HDAC9: variants seen among roughly 807,000 people sequenced by gnomAD.
HDAC9 encodes histone deacetylase 9, also known as MEF-2 interacting transcription repressor (MITR) protein.
In HDAC9, 41 loss-of-function variants were observed where a neutral mutation model predicts 139.4. The ratio of observed to expected loss-of-function variants is 0.29; its 90% CI spans 0.23 to 0.38. HDAC9 has a LOEUF of 0.38. Ranked by LOEUF, HDAC9 falls within the 10% of genes least tolerant of loss-of-function variation. The probability of loss-of-function intolerance (pLI) is 1.00; values close to 1 mark genes in which losing one functional copy is unlikely to be tolerated. For synonymous variants in HDAC9, 517 were observed against 476.2 expected (o/e 1.09, Z -1.12); for missense variants, 1,147 against 1,297.0 (o/e 0.88, Z 1.78).
intron 2 of HDAC9, among the ~76,000 whole-genome samples, chr7:18,213,460 T>C (rs1239840081): frequency 6.6e-6 from 1 of 152,190 alleles, no homozygotes; most frequent in African/African-American, 2.4e-5. Context: ...TATTGCTTGC[T>C]TACAGATGCT....
chr7:18,721,566 T>C (rs1293286331), intron 12 of HDAC9, among the ~76,000 whole-genome samples: 1 of 152,204 alleles, frequency 6.6e-6, no homozygotes, highest in East Asian at 1.9e-4. Flanking sequence ...GTATGCATTA[T>C]GATTTATGAT....
chr7:18,533,541 T>C (rs1160816985), intron 2 of HDAC9, among the ~76,000 whole-genome samples: 1 of 152,172 alleles, frequency 6.6e-6, no homozygotes, highest in Non-Finnish European at 1.5e-5. Context: ...CTAGTCCCAA[T>C]TTGACTCTCT....
At chr7:18,459,968 GA>G (rs1435819299) in intron 1 of HDAC9, among the ~76,000 whole-genome samples, 2 of 146,720 alleles carry the variant, frequency 1.4e-5, no homozygotes, top group Admixed American at 1.4e-4. Context: ...TTTCGAGACA[GA>G]GGTTCTGCTC....
chr7:18,939,405 A>T (rs1781869902), intron 23 of HDAC9, among the ~76,000 whole-genome samples: 1 of 152,224 alleles, frequency 6.6e-6, no homozygotes, highest in African/African-American at 2.4e-5. Context: ...AAAAGTGAAA[A>T]ATTAAAGAAA....
chr7:18,407,447 G>A (rs997634184), intron 1 of HDAC9, among the ~76,000 whole-genome samples: 2 of 152,070 alleles, frequency 1.3e-5, no homozygotes, highest in African/African-American at 4.8e-5. Context: ...GGGGTGACAC[G>A]TTTAGGCAAA....
intron 6 of HDAC9, among the ~76,000 whole-genome samples, chr7:18,598,050 AT>A (rs1278392497): frequency 2.0e-5 from 3 of 152,194 alleles, no homozygotes; most frequent in Non-Finnish European, 4.4e-5. Context: ...GTCAGCAGTT[AT>A]GTTCTAGTAC....
At chr7:18,918,052 C>T (rs536820006) in intron 22 of HDAC9, among the ~76,000 whole-genome samples, 21 of 151,904 alleles carry the variant, frequency 1.4e-4, no homozygotes, top group African/African-American at 3.4e-4. Context: ...CCGAGGATGA[C>T]GGATAATGGA....
chr7:18,648,572 C>T lies in HDAC9; in HGVS notation c.1356C>T (p.Thr452=), dbSNP rs373208792. ...CCCGTCACAGACCCCTGAACCGAAC[C>T]CAGTCTGCACCTTTGCCTCAGAGCA... The part of the protein sequence containing the change: ...KLPRHRPLNR[T]QSAPLPQSTL... Residue 452 remains threonine, a synonymous_variant, in exon 11 of 26, where the codon ACC becomes ACT. Coordinates refer to ENST00000686413, the MANE Select transcript of HDAC9 (RefSeq NM_178425.4). The T allele has an allele frequency of 1.2e-6, 2 of 1,613,528 alleles. No homozygotes were observed. The highest frequency in any genetic ancestry group is 2.7e-5 in the African/African-American group (2 of 74,914).
chr7:18,745,143 T>C (rs1303473306), intron 13 of HDAC9, among the ~76,000 whole-genome samples: 3 of 152,076 alleles, frequency 2.0e-5, no homozygotes, highest in Non-Finnish European at 2.9e-5. Flanking sequence ...AGTCCATGTT[T>C]CTGAGAAGCC....
intron 1 of HDAC9, among the ~76,000 whole-genome samples, chr7:18,315,169 T>A (rs1333194813): frequency 2.0e-5 from 3 of 152,266 alleles, no homozygotes; most frequent in Non-Finnish European, 4.4e-5. Context: ...AATATAAGAC[T>A]AATAAGAATA....
chr7:18,164,795 C>T (rs1787890632), intron 2 of HDAC9, among the ~76,000 whole-genome samples: 1 of 152,190 alleles, frequency 6.6e-6, no homozygotes, highest in Non-Finnish European at 1.5e-5. Context: ...CTGCCCAGTT[C>T]TGTTCAAAGT....
At chr7:18,834,625 A>G (rs1482210516) in intron 19 of HDAC9, among the ~76,000 whole-genome samples, 1 of 152,088 alleles carries the variant, frequency 6.6e-6, no homozygotes, top group Non-Finnish European at 1.5e-5. Context: ...TGATATTAAA[A>G]TTAGGCAGAT....
intron 1 of HDAC9, chr7:18,327,314 A>C (rs1404692157): frequency 2.6e-5 from 4 of 151,954 alleles, no homozygotes; most frequent in African/African-American, 9.7e-5. Flanking sequence ...TTTAGTTTAC[A>C]TATCAGAACC....
At chr7:18,821,992 C>T (rs979785134) in intron 17 of HDAC9, among the ~76,000 whole-genome samples, 1 of 152,154 alleles carries the variant, frequency 6.6e-6, no homozygotes, top group Non-Finnish European at 1.5e-5. Context: ...GGGCACAAAG[C>T]TTCCATTGCC....
At chr7:18,883,618 G>C (rs1373866939) in intron 22 of HDAC9, among the ~76,000 whole-genome samples, 1 of 151,864 alleles carries the variant, frequency 6.6e-6, no homozygotes, top group East Asian at 1.9e-4. Flanking sequence ...TTTTTCCTAA[G>C]GTCAGGAACA....
At chr7:18,491,817 C>A (rs1254642351), upstream of HDAC9, among the ~76,000 whole-genome samples, 1 of 151,878 alleles carries the variant, frequency 6.6e-6, no homozygotes, top group Non-Finnish European at 1.5e-5. Context: ...CCCGGCAGAT[C>A]GGATGGTGCC....
intron 2 of HDAC9, among the ~76,000 whole-genome samples, chr7:18,172,008 C>T (rs1034166642): frequency 2.0e-5 from 3 of 152,116 alleles, no homozygotes; most frequent in Non-Finnish European, 4.4e-5. Context: ...GGAATAGTTT[C>T]AGAAGGAATG....
At chr7:18,776,359 G>T (rs1376517815) in intron 16 of HDAC9, among the ~76,000 whole-genome samples, 1 of 152,040 alleles carries the variant, frequency 6.6e-6, no homozygotes, top group Non-Finnish European at 1.5e-5. Flanking sequence ...TATTCTCTGT[G>T]CTTCTGAACT....
chr7:18,694,372 C>T (rs1051915900), intron 12 of HDAC9, among the ~76,000 whole-genome samples: 2 of 152,168 alleles, frequency 1.3e-5, no homozygotes. Context: ...ATACCACATT[C>T]AGCCAACAGT....
Sources: gnomAD v4.1 joint callset for allele counts (sites outside exome capture counted in the v4.1 genomes callset) on GRCh38, gnomAD v4.1.1 for gene constraint, MANE v1.5 for transcripts, NCBI Gene and HGNC (gene_info 2026-07-23, HGNC 2026-07-21) for gene names.